Variants in PTGER4 observed in about 807,000 individuals in gnomAD.
PTGER4 encodes the protein prostaglandin E2 receptor EP4 subtype.
A neutral mutation model predicts 33.2 loss-of-function variants in PTGER4; 11 were observed. That is an observed-to-expected ratio of 0.33 (90% CI 0.21 to 0.55). PTGER4 has a LOEUF of 0.55. Among genes scored for constraint, PTGER4 ranks in the 20% least tolerant of loss-of-function variants. The probability of loss-of-function intolerance (pLI) is 0.92; values close to 1 mark genes in which losing one functional copy is unlikely to be tolerated. For synonymous variants in PTGER4, 275 were observed against 281.5 expected, an observed-to-expected ratio of 0.98 and a Z score of 0.23; for missense variants, 481 against 650.2, an observed-to-expected ratio of 0.74 and a Z score of 2.83.
At chr5:40,740,212 A>C in the PTGER4 span, among the ~76,000 whole-genome samples, 2 of 151,520 alleles carry the variant, frequency 1.3e-5, no homozygotes, top group Non-Finnish European at 2.9e-5. Context: ...ATCAGTCTTC[A>C]TACTTACCCA....
chr5:40,739,593 C>T, the PTGER4 span, among the ~76,000 whole-genome samples: 1 of 152,178 alleles, frequency 6.6e-6, no homozygotes, highest in African/African-American at 2.4e-5. Flanking sequence ...CTTCCTCCTG[C>T]TCCAGCCATG....
chr5:40,731,401 C>T, the PTGER4 span, among the ~76,000 whole-genome samples: 59 of 152,200 alleles, frequency 3.9e-4, no homozygotes, highest in African/African-American at 1.2e-3. Flanking sequence ...TTCACTCTCA[C>T]GCTGCAATAA....
the PTGER4 span, among the ~76,000 whole-genome samples, chr5:40,714,103 GC>G: frequency 6.6e-6 from 1 of 152,164 alleles, no homozygotes; most frequent in Non-Finnish European, 1.5e-5. Context: ...TTATAACAGG[GC>G]CTAGTGGCCA....
the PTGER4 span, among the ~76,000 whole-genome samples, chr5:40,740,989 C>G: frequency 1.3e-5 from 2 of 152,052 alleles, no homozygotes; most frequent in African/African-American, 4.8e-5. Flanking sequence ...CTTTAATTAT[C>G]TGAATATAGT....
the PTGER4 span, among the ~76,000 whole-genome samples, chr5:40,713,510 C>A: frequency 6.6e-6 from 1 of 152,146 alleles, no homozygotes; most frequent in Non-Finnish European, 1.5e-5. Context: ...TGCAGTAGAT[C>A]TGGCTCCTGT....
chr5:40,695,327 G>A (rs1386118238), downstream of PTGER4, among the ~76,000 whole-genome samples: 2 of 152,034 alleles, frequency 1.3e-5, no homozygotes, highest in East Asian at 3.9e-4. Context: ...GGCAGATCAC[G>A]AGGTCAGGAG....
chr5:40,689,221 A>G (rs1238344389), intron 2 of PTGER4, among the ~76,000 whole-genome samples: 8 of 152,220 alleles, frequency 5.3e-5, no homozygotes, highest in Non-Finnish European at 1.5e-5. Context: ...TAAGTTCTCA[A>G]AACAAAACAA....
the PTGER4 span, among the ~76,000 whole-genome samples, chr5:40,735,817 C>T: frequency 1.3e-5 from 2 of 152,218 alleles, no homozygotes; most frequent in East Asian, 3.9e-4. Flanking sequence ...TAAATGACAA[C>T]AGAGAAGTGA....
chr5:40,695,532 C>A (rs746696406), downstream of PTGER4, among the ~76,000 whole-genome samples: 20 of 149,984 alleles, frequency 1.3e-4, no homozygotes, highest in Non-Finnish European at 2.5e-4. Context: ...GGCGACACAG[C>A]GAGACTGTCT....
the PTGER4 span, among the ~76,000 whole-genome samples, chr5:40,712,652 C>T: frequency 6.6e-6 from 1 of 152,170 alleles, no homozygotes; most frequent in African/African-American, 2.4e-5. Context: ...GAGACCACAA[C>T]ATCGGTTCTC....
chr5:40,705,357 A>C, the PTGER4 span, among the ~76,000 whole-genome samples: 1 of 152,238 alleles, frequency 6.6e-6, no homozygotes, highest in Non-Finnish European at 1.5e-5. Context: ...TGTAAAACTC[A>C]AAACTATAAA....
At chr5:40,727,909 T>C in the PTGER4 span, among the ~76,000 whole-genome samples, 1 of 152,192 alleles carries the variant, frequency 6.6e-6, no homozygotes, top group Admixed American at 6.5e-5. Flanking sequence ...GATTAATACC[T>C]TTAAGAAGTA....
downstream of PTGER4, among the ~76,000 whole-genome samples, chr5:40,694,468 AT>A (rs1741543811): frequency 6.6e-6 from 1 of 152,300 alleles, no homozygotes; most frequent in Non-Finnish European, 1.5e-5. Flanking sequence ...ACAGACATTT[AT>A]TTTCTCACAG....
At chr5:40,736,534 A>T in the PTGER4 span, among the ~76,000 whole-genome samples, 1 of 152,304 alleles carries the variant, frequency 6.6e-6, no homozygotes. Flanking sequence ...TAACACCGTG[A>T]CTCTTGAGAA....
chr5:40,731,516 A>T, the PTGER4 span, among the ~76,000 whole-genome samples: 5 of 152,210 alleles, frequency 3.3e-5, no homozygotes, highest in African/African-American at 1.2e-4. Context: ...GCAGAAGGGG[A>T]AGCAAACACA....
chr5:40,719,834 C>A, the PTGER4 span, among the ~76,000 whole-genome samples: 1 of 152,092 alleles, frequency 6.6e-6, no homozygotes, highest in East Asian at 1.9e-4. Flanking sequence ...GTGTGTGTAT[C>A]TTCTTTGGAA....
rs1403535368 is a variant in PTGER4 at position 40,693,139 on chromosome 5, G to A, written c.*761G>A. On this transcript the variant is annotated 3_prime_UTR_variant, in exon 3 of 3. Coordinates refer to ENST00000302472, the MANE Select transcript of PTGER4 (RefSeq NM_000958.3). The stretch of plus-strand genomic sequence containing the variant: ...TTCCAGGCTATGTATAAAATACATA[G>A]TGAAAATTGTTTAGTGATATTACAT... 5.2e-6 allele frequency: 5 copies of A among 955,708 alleles called. No homozygotes were observed. Among genetic ancestry groups the A allele is most frequent in the Non-Finnish European group, 6.2e-6 (5 of 802,670 alleles). The allele number at this position is 955,708 out of a possible 1,614,324, so 59.2% of individuals were successfully genotyped here.
At chr5:40,745,957 C>T in the PTGER4 span, among the ~76,000 whole-genome samples, 5 of 152,066 alleles carry the variant, frequency 3.3e-5, no homozygotes, top group African/African-American at 4.8e-5. Context: ...AAGGCCTTTT[C>T]CACCATAGAT....
At chr5:40,703,876 C>A in the PTGER4 span, among the ~76,000 whole-genome samples, 1 of 122,724 alleles carries the variant, frequency 8.1e-6, no homozygotes, top group Non-Finnish European at 1.6e-5. Context: ...GCACTCCAGC[C>A]CGGGCAACAG....
Sources: gnomAD v4.1 joint callset for allele counts (sites outside exome capture counted in the v4.1 genomes callset) on GRCh38, gnomAD v4.1.1 for gene constraint, MANE v1.5 for transcripts, NCBI Gene and HGNC (gene_info 2026-07-23, HGNC 2026-07-21) for gene names.